Variants in TRPM4 observed in about 807,000 individuals in gnomAD.
TRPM4 encodes the protein calcium-activated non-selective cation channel 1.
TRPM4 carries 124 observed loss-of-function variants against 135.6 expected under a neutral mutation model. The observed-to-expected ratio is 0.91, with a 90% CI of 0.79 to 1.06. The LOEUF is 1.06. TRPM4 is among the 50% of genes least tolerant of loss of function. The pLI, the probability that TRPM4 is intolerant of heterozygous loss-of-function variation, is 0.00. For synonymous variants in TRPM4, 745 were observed against 705.6 expected, an observed-to-expected ratio of 1.06 and a Z score of -0.88; for missense variants, 1,658 against 1,671.4, an observed-to-expected ratio of 0.99 and a Z score of 0.14.
rs371414435 is a variant in TRPM4 at position 49,167,972 on chromosome 19, G to A, written c.323G>A (p.Arg108His). 4.5e-5 allele frequency: 72 copies of A among 1,613,912 alleles called. No individual in the cohort carries two copies. Among genetic ancestry groups the A allele is most frequent in the South Asian group, 3.0e-4 (27 of 91,086 alleles). ...GCTGCAGTTTATAGTCTGGTCACAC[G>A]CACATGGGGCTTCCGTGCCCCGAAC... The part of the protein sequence containing the change: ...DPAAVYSLVT[R>H]TWGFRAPNLV... Residue 108 changes from arginine to histidine, a missense_variant, in exon 4 of 25, where the codon CGC (arginine) becomes CAC (histidine). Arg to His is a conservative substitution (Grantham distance 29). Coordinates refer to ENST00000252826, the MANE Select transcript of TRPM4 (RefSeq NM_017636.4).
intron 10 of TRPM4, among the ~76,000 whole-genome samples, 160 bp downstream of exon 10, chr19:49,181,621 A>T (rs1600452841): frequency 7.3e-6 from 1 of 137,454 alleles, no homozygotes; most frequent in Non-Finnish European, 1.5e-5. Context: ...AAGCTCCGCC[A>T]CCTGGGTTCA....
rs139307985 is a variant in TRPM4 at position 49,190,771 on chromosome 19, C to T, written c.2208C>T (p.Val736=). 33 of 1,613,912 alleles carry T rather than the reference C, an allele frequency of 2.0e-5. No homozygotes were observed. Among genetic ancestry groups the T allele is most frequent in the Admixed American group, 1.8e-4 (11 of 59,980 alleles). ...GTGTCATTAATGGGGAAGGGCCTGT[C>T]GGGTGAGTGGAGCCTCCAGCACTGT... ...MDSVINGEGP[V]GTADPAEKTP... Residue 736 remains valine, a splice_region_variant and synonymous_variant, in exon 16 of 25, where the codon GTC becomes GTT. Coordinates refer to ENST00000252826, the MANE Select transcript of TRPM4 (RefSeq NM_017636.4).
intron 12 of TRPM4, among the ~76,000 whole-genome samples, chr19:49,188,031 G>A (rs1360325416): frequency 6.6e-6 from 1 of 152,166 alleles, no homozygotes; most frequent in Non-Finnish European, 1.5e-5. Context: ...GGAGCCAGAG[G>A]CTGCGTGACC....
rs1968866679 is a variant in TRPM4 at position 49,200,339 on chromosome 19, C to T, written c.2685C>T (p.Leu895=). 33 of 1,614,168 alleles carry T rather than the reference C, an allele frequency of 2.0e-5. 1 individual carries two copies. In the East Asian group the frequency reaches 7.1e-4, roughly 35 times the overall value. Residue 895 remains leucine (L), a synonymous_variant, in exon 18 of 25, where the codon CTC becomes CTT. Coordinates refer to ENST00000252826, the MANE Select transcript of TRPM4 (RefSeq NM_017636.4). ...PGLYHLGRTV[L]CIDFMVFTVR... The stretch of plus-strand genomic sequence containing the variant: ...TGTACCACCTGGGCCGCACTGTCCT[C>T]TGCATCGACTTCATGGTTTTCACGG...
chr19:49,200,612 T>A lies in TRPM4; in HGVS notation c.2780T>A (p.Met927Lys). 1 of 1,612,794 alleles carries A rather than the reference T, an allele frequency of 6.2e-7. No homozygotes were observed. Among genetic ancestry groups the A allele is most frequent in the Non-Finnish European group, 8.5e-7 (1 of 1,180,008 alleles). The change falls in exon 19 of 25, where the codon ATG becomes AAG. Residue 927 changes from methionine to lysine, a missense_variant and splice_region_variant. Around this residue, in one of 3 missense-constraint regions of TRPM4, gnomAD observed 1,412 missense variants for 1,408.7 expected, o/e 1.00. Transcript: ENST00000252826. ...GPKIVIVSKM[M>K]KDVFFFLFFL... is the part of the protein sequence containing the mutation. ...AGACTCAGCCACATCTCCCCACAGA[T>A]GAAGGACGTGTTCTTCTTCCTCTTC...
At chr19:49,181,486 G>A (rs767866645) in intron 10 of TRPM4, 25 bp downstream of exon 10, 12 of 1,541,876 alleles carry the variant, frequency 7.8e-6, no homozygotes, top group Admixed American at 1.7e-5. Flanking sequence ...CCTGGGGGTT[G>A]GGCATACTGA....
At position 49,196,659 on chromosome 19, in the gene TRPM4, C is replaced by T. The variant is rs1383007070; in HGVS notation, c.2430C>T (p.Pro810=). ...TCGTGGATTTCCAGCCGGCGCCGCC[C>T]GGCTCCCTGGAGCTGCTGCTCTATT... The part of the protein sequence containing the change: ...VLLVDFQPAP[P]GSLELLLYFW... Residue 810 remains proline (P), a synonymous_variant, in exon 17 of 25, where the codon CCC becomes CCT. Transcript: ENST00000252826. 2 of 1,546,562 alleles carry T rather than the reference C, an allele frequency of 1.3e-6. No individual in the cohort carries two copies. The highest frequency in any genetic ancestry group is 1.4e-5 in the African/African-American group (1 of 73,406).
chr19:49,187,846 T>C (rs1600474943), intron 12 of TRPM4, among the ~76,000 whole-genome samples: 2 of 151,460 alleles, frequency 1.3e-5, no homozygotes, highest in South Asian at 4.2e-4. Context: ...ATCACAGGGG[T>C]TGGAAGTGAG....
At position 49,181,381 on chromosome 19, in the gene TRPM4, G is replaced by A. The variant is rs146559411; in HGVS notation, c.1183G>A (p.Asp395Asn). Residue 395 changes from aspartate (D) to asparagine (N), a missense_variant, in exon 10 of 25, where the codon GAT (aspartate) becomes AAT (asparagine). Physicochemically the swap from Asp to Asn is conservative, Grantham distance 23 (BLOSUM62 1). Coordinates refer to ENST00000252826, the MANE Select transcript of TRPM4 (RefSeq NM_017636.4). ...GAGCTCGGAGGCCTCAGCCTACCTG[G>A]ATGAGCTGCGTTTGGCTGTGGCTTG... The part of the protein sequence containing the change: ...CGSSEASAYL[D>N]ELRLAVAWNR... The A allele has an allele frequency of 1.2e-6, 2 of 1,613,974 alleles. No homozygotes were observed. Among genetic ancestry groups the A allele is most frequent in the East Asian group, 4.5e-5 (2 of 44,862 alleles).
intron 12 of TRPM4, among the ~76,000 whole-genome samples, chr19:49,183,553 C>T (rs1354834619): frequency 1.3e-5 from 2 of 151,766 alleles, no homozygotes; most frequent in East Asian, 1.9e-4. Flanking sequence ...CCTGCCCCCA[C>T]GCCTGGCTAA....
intron 2 of TRPM4, 85 bp from the exon 3 acceptor site, chr19:49,165,956 C>G (rs181317878): frequency 2.4e-5 from 33 of 1,363,494 alleles, no homozygotes; most frequent in Admixed American, 1.8e-4. Flanking sequence ...TGTCGACAGC[C>G]CCCTCTACAG....
chr19:49,200,464 G>A, intron 18 of TRPM4, 32 bp downstream of exon 18: 1 of 942,544 alleles, frequency 1.1e-6, no homozygotes, highest in African/African-American at 1.7e-5. Flanking sequence ...AGTGGGCGGG[G>A]ACATAGGGAA....
intron 16 of TRPM4, among the ~76,000 whole-genome samples, chr19:49,195,982 C>T (rs1600497552): frequency 6.6e-6 from 1 of 151,860 alleles, no homozygotes; most frequent in East Asian, 2.0e-4. Context: ...CCTCAGCCTC[C>T]CGAGTATGTG....
chr19:49,180,478 T>G (rs1410758641), intron 9 of TRPM4, among the ~76,000 whole-genome samples: 2 of 118,918 alleles, frequency 1.7e-5, no homozygotes, highest in Non-Finnish European at 3.7e-5. Flanking sequence ...GTGTGTGTGT[T>G]GCACCCGGGC....
chr19:49,171,995 T>G lies in TRPM4; in HGVS notation c.1051-14T>G, dbSNP rs367907248. On this transcript the variant is annotated splice_polypyrimidine_tract_variant and intron_variant, in intron 8 of 24. Coordinates refer to ENST00000252826, the MANE Select transcript of TRPM4 (RefSeq NM_017636.4). The surrounding 1 kb of genome is among the most constrained non-coding windows in gnomAD (Gnocchi z 4.7). ...TGGAGGCGGGCTAGGGATGCAGAAC[T>G]GGCTATTCCACAGGTGGAGAGGATT... The G allele has an allele frequency of 6.2e-7, 1 of 1,607,934 alleles. No individual in the cohort carries two copies. Among genetic ancestry groups the G allele is most frequent in the East Asian group, 2.2e-5 (1 of 44,862 alleles).
In TRPM4 at chr19:49,160,074, G is replaced by A. The variant is rs112500907; in HGVS notation, c.92+1815G>A. Among the ~76,000 whole-genome samples the A allele has an allele frequency of 3.9e-3, 596 of 152,320 alleles. 10 individuals carry two copies. Among genetic ancestry groups the A allele is most frequent in the African/African-American group, 0.013 (556 of 41,560 alleles). On this transcript the variant is annotated intron_variant, in intron 2 of 24. Transcript: ENST00000252826. Reference sequence around the variant, plus strand: ...AAAGACGAGCCACTGGGCTCTGTGAGAGCTGGGAGGAGGTGTTTGCTTAAG... The same window carrying A: ...AAAGACGAGCCACTGGGCTCTGTGAAAGCTGGGAGGAGGTGTTTGCTTAAG...
chr19:49,158,187 C>A lies in TRPM4; in HGVS notation c.25-5C>A, dbSNP rs1192389486. On this transcript the variant is annotated splice_region_variant and splice_polypyrimidine_tract_variant and intron_variant, in intron 1 of 24. Transcript: ENST00000252826. ...TTCCACCCCTACATTTGTTCCTGTC[C>A]CCAGAGCTGGATCCCCAAGATCTTC... The A allele has an allele frequency of 6.2e-7, 1 of 1,613,670 alleles. No homozygotes were observed. Among genetic ancestry groups the A allele is most frequent in the African/African-American group, 1.3e-5 (1 of 74,848 alleles).
At chr19:49,204,982 GTTTTTTTTTTT>G (rs756332219) in intron 20 of TRPM4, among the ~76,000 whole-genome samples, 1 of 60,758 alleles carries the variant, frequency 1.6e-5, no homozygotes, top group Admixed American at 2.0e-4. Context: ...GGCTTTGGTT[GTTTTTTTTTTT>G]TTTTTTTTTT....
intron 20 of TRPM4, among the ~76,000 whole-genome samples, chr19:49,207,171 C>T (rs75735015): frequency 0.018 from 2,669 of 152,152 alleles, 51 homozygotes; most frequent in African/African-American, 0.052. Flanking sequence ...CCAGAACTTC[C>T]AGCACAATGT....
Sources: gnomAD v4.1 joint callset for allele counts (sites outside exome capture counted in the v4.1 genomes callset) on GRCh38, gnomAD v4.1.1 for gene constraint, gnomAD v4.1.1 regional missense constraint, Gnocchi (gnomAD v3.1) non-coding constraint, MANE v1.5 for transcripts, NCBI Gene and HGNC (gene_info 2026-07-23, HGNC 2026-07-21) for gene names.